Variants in PDE4D observed in about 807,000 individuals in gnomAD.
The protein encoded by PDE4D is 3',5'-cyclic-AMP phosphodiesterase 4D.
PDE4D carries 24 observed loss-of-function variants against 87.4 expected under a neutral mutation model. The ratio of observed to expected loss-of-function variants is 0.27; its 90% CI spans 0.20 to 0.39. PDE4D has a LOEUF of 0.39. PDE4D is among the 10% of genes least tolerant of loss of function. The pLI is 1.00. For synonymous variants in PDE4D, 384 were observed against 383.2 expected, an observed-to-expected ratio of 1.00 and a Z score of -0.02; for missense variants, 714 against 1,041.0, an observed-to-expected ratio of 0.69 and a Z score of 4.32.
At chr5:60,426,248 C>T (rs920957386) in intron 1 of PDE4D, among the ~76,000 whole-genome samples, 4 of 152,160 alleles carry the variant, frequency 2.6e-5, no homozygotes, top group Admixed American at 1.3e-4. Context: ...TATTGCGGCA[C>T]TATTCACAAT....
At chr5:60,187,864 C>T (rs762046996) in intron 1 of PDE4D, among the ~76,000 whole-genome samples, 8 of 152,182 alleles carry the variant, frequency 5.3e-5, no homozygotes, top group Middle Eastern at 6.8e-3. Flanking sequence ...CTTTTAGGTA[C>T]ATTATTTGAT....
At chr5:60,105,216 C>G (rs1040219981) in intron 2 of PDE4D, among the ~76,000 whole-genome samples, 1 of 152,106 alleles carries the variant, frequency 6.6e-6, no homozygotes, top group African/African-American at 2.4e-5. Context: ...GTGAAGAATG[C>G]AGAAGCCTCA....
chr5:59,239,145 T>C (rs1757118848), intron 1 of PDE4D, among the ~76,000 whole-genome samples: 2 of 152,212 alleles, frequency 1.3e-5, no homozygotes, highest in South Asian at 2.1e-4. Context: ...AAATCTACCA[T>C]ATAGGGTTTA....
chr5:59,409,384 T>C (rs1175886259), intron 1 of PDE4D, among the ~76,000 whole-genome samples: 3 of 152,066 alleles, frequency 2.0e-5, no homozygotes, highest in Non-Finnish European at 4.4e-5. Flanking sequence ...GGACATGAGA[T>C]TTAGGGGGCC....
chr5:59,275,500 C>T, intron 1 of PDE4D: 2 of 1,502,670 alleles, frequency 1.3e-6, no homozygotes, highest in Non-Finnish European at 1.8e-6. Context: ...TATTCCATTT[C>T]CAAGGGAGGC....
intron 1 of PDE4D, among the ~76,000 whole-genome samples, chr5:60,196,016 G>A (rs1741178407): frequency 6.6e-6 from 1 of 151,632 alleles, no homozygotes. Context: ...TGCTGTAAAT[G>A]ACCATTGAAT....
At chr5:60,349,649 A>G (rs1359503897) in intron 1 of PDE4D, among the ~76,000 whole-genome samples, 2 of 152,300 alleles carry the variant, frequency 1.3e-5, no homozygotes, top group East Asian at 3.9e-4. Context: ...CACAATCCCA[A>G]AATAAAAGTT....
At chr5:60,402,872 C>A in intron 1 of PDE4D, among the ~76,000 whole-genome samples, 1 of 152,220 alleles carries the variant, frequency 6.6e-6, no homozygotes, top group East Asian at 1.9e-4. Flanking sequence ...CCTGTAACCA[C>A]ATTGGACAGA....
chr5:59,590,268 C>CTGTTG (rs1825738405), intron 1 of PDE4D, among the ~76,000 whole-genome samples: 2 of 152,052 alleles, frequency 1.3e-5, no homozygotes, highest in Non-Finnish European at 2.9e-5. Context: ...TTAGGCAGAA[C>CTGTTG]TAATAGGTTT....
chr5:59,420,025 T>A (rs244569), intron 1 of PDE4D, among the ~76,000 whole-genome samples: 75,828 of 152,020 alleles, frequency 0.5, 19,614 homozygotes, highest in African/African-American at 0.63. Flanking sequence ...AGATGGGGCA[T>A]CTGGAATTGC....
intron 1 of PDE4D, among the ~76,000 whole-genome samples, chr5:60,320,739 G>A (rs1179709383): frequency 1.3e-5 from 2 of 151,962 alleles, no homozygotes; most frequent in Non-Finnish European, 1.5e-5. Context: ...TTCAAAAATC[G>A]GTAGCATTTC....
chr5:59,083,479 A>G (rs149559629), intron 5 of PDE4D, among the ~76,000 whole-genome samples: 1 of 151,622 alleles, frequency 6.6e-6, no homozygotes, highest in Non-Finnish European at 1.5e-5. Context: ...TTACTTTTCC[A>G]TCATATTTTA....
At chr5:59,576,309 G>T (rs1376332161) in intron 1 of PDE4D, among the ~76,000 whole-genome samples, 8 of 151,980 alleles carry the variant, frequency 5.3e-5, no homozygotes. Context: ...CAGACTTGGG[G>T]GATGATTAAG....
intron 1 of PDE4D, among the ~76,000 whole-genome samples, chr5:59,620,799 T>C (rs1218043559): frequency 1.3e-5 from 2 of 152,148 alleles, no homozygotes; most frequent in Non-Finnish European, 2.9e-5. Context: ...GGTCATGAAT[T>C]GTAGGGATAT....
chr5:60,400,217 G>A (rs762354704), intron 1 of PDE4D, among the ~76,000 whole-genome samples: 3 of 152,180 alleles, frequency 2.0e-5, no homozygotes, highest in Admixed American at 6.5e-5. Flanking sequence ...ACTGGGGTTC[G>A]AAAGTTTTCA....
At chr5:59,894,656 G>T (rs1329669527), upstream of PDE4D, among the ~76,000 whole-genome samples, 2 of 152,190 alleles carry the variant, frequency 1.3e-5, no homozygotes, top group African/African-American at 4.8e-5. Flanking sequence ...ATTATCTTCG[G>T]TAGTCTCTAT....
intron 2 of PDE4D, among the ~76,000 whole-genome samples, chr5:60,149,957 T>G (rs1781356658): frequency 6.8e-6 from 1 of 147,210 alleles, no homozygotes; most frequent in Non-Finnish European, 1.5e-5. Context: ...ATAGTATATA[T>G]ACTAGTATAT....
rs571776070 is a variant in PDE4D, at chr5:60,086,611, A to C, written c.43-97894T>G. ...TATGAAAAGTAGATTGTAAGATAGT[A>C]TAAGGGGACAAATGGTTATAAAGTA... is the stretch of plus-strand genomic sequence containing the variant. On this transcript the variant is annotated intron_variant, in intron 2 of 16. Transcript: ENST00000502484. Among the ~76,000 whole-genome samples the C allele has an allele frequency of 7.2e-5, 11 of 152,390 alleles. No homozygotes were observed. In the South Asian group the frequency reaches 1.2e-3, roughly 17 times the overall value.
At chr5:59,605,986 C>A (rs529907486) in intron 1 of PDE4D, among the ~76,000 whole-genome samples, 29 of 151,852 alleles carry the variant, frequency 1.9e-4, no homozygotes, top group Non-Finnish European at 3.5e-4. Context: ...TAAAATAGTA[C>A]CTTCTTTTTC....
Sources: gnomAD v4.1 joint callset for allele counts (sites outside exome capture counted in the v4.1 genomes callset) on GRCh38, gnomAD v4.1.1 for gene constraint, MANE v1.5 for transcripts, NCBI Gene and HGNC (gene_info 2026-07-23, HGNC 2026-07-21) for gene names.